Variants in CACHD1 observed in about 807,000 individuals in gnomAD.
CACHD1 encodes the protein VWFA and cache domain-containing protein 1.
CACHD1 carries 71 observed loss-of-function variants against 138.7 expected under a neutral mutation model. The observed-to-expected ratio is 0.51, with a 90% CI of 0.42 to 0.62. The LOEUF is 0.62. Ranked by LOEUF, CACHD1 falls within the 20% of genes least tolerant of loss-of-function variation. The pLI is 0.00. For missense variants in CACHD1, 1,389 were observed against 1,625.3 expected, an observed-to-expected ratio of 0.85 and a Z score of 2.50; for synonymous variants, 578 against 591.5, an observed-to-expected ratio of 0.98 and a Z score of 0.33.
intron 2 of CACHD1, among the ~76,000 whole-genome samples, chr1:64,571,212 C>G (rs1338453613): frequency 6.6e-6 from 1 of 152,196 alleles, no homozygotes; most frequent in African/African-American, 2.4e-5. Context: ...ATCAAACATT[C>G]ATAAGATGCT....
intron 2 of CACHD1, among the ~76,000 whole-genome samples, chr1:64,556,867 A>G (rs1339177181): frequency 6.6e-6 from 1 of 152,196 alleles, no homozygotes; most frequent in African/African-American, 2.4e-5. Flanking sequence ...TCATTTTTTA[A>G]TACTTTAAGA....
In CACHD1 at chr1:64,535,965, T is replaced by C. The variant is rs189741925; in HGVS notation, c.199-14629T>C. 2.9e-3 allele frequency among the ~76,000 whole-genome samples: 438 copies of C among 152,264 alleles called. 5 individuals are homozygous for C. Among genetic ancestry groups the C allele is most frequent in the African/African-American group, 0.01 (425 of 41,550 alleles). Reference sequence around the variant, plus strand: ...ATGCAACTGTTATTGAGCCCCTACATTGTGCTCCCCATCGTATTCCTCACG... The same window carrying C: ...ATGCAACTGTTATTGAGCCCCTACACTGTGCTCCCCATCGTATTCCTCACG... On this transcript the variant is annotated intron_variant, in intron 1 of 26. Transcript: ENST00000651257.
intron 2 of CACHD1, among the ~76,000 whole-genome samples, chr1:64,554,976 C>T (rs1026096679): frequency 7.2e-5 from 11 of 152,088 alleles, no homozygotes; most frequent in African/African-American, 2.4e-4. Context: ...CTTTTCATCT[C>T]ATTTTATTGT....
At chr1:64,637,504 C>T (rs998084604) in intron 7 of CACHD1, among the ~76,000 whole-genome samples, 7 of 152,182 alleles carry the variant, frequency 4.6e-5, no homozygotes, top group African/African-American at 1.7e-4. Context: ...TGAATAGAGA[C>T]CTCATTAAAT....
chr1:64,620,255 GT>G (rs1240923733), intron 4 of CACHD1, among the ~76,000 whole-genome samples: 5 of 152,110 alleles, frequency 3.3e-5, no homozygotes, highest in African/African-American at 4.8e-5. Context: ...TTTGGAAACA[GT>G]GAATATCTAT....
intron 2 of CACHD1, among the ~76,000 whole-genome samples, chr1:64,555,374 A>G (rs1646789821): frequency 6.6e-6 from 1 of 152,114 alleles, no homozygotes; most frequent in African/African-American, 2.4e-5. Context: ...ATATTCTCCT[A>G]TACTGCCTTC....
At chr1:64,646,007 C>A (rs1648889905) in intron 8 of CACHD1, among the ~76,000 whole-genome samples, 1 of 152,178 alleles carries the variant, frequency 6.6e-6, no homozygotes, top group Non-Finnish European at 1.5e-5. Flanking sequence ...TACCAATCAG[C>A]CACCCTACTG....
intron 3 of CACHD1, among the ~76,000 whole-genome samples, chr1:64,591,094 A>G (rs1647096786): frequency 6.6e-6 from 1 of 152,206 alleles, no homozygotes; most frequent in African/African-American, 2.4e-5. Flanking sequence ...TCAAATTAAT[A>G]AATTCTGGGT....
chr1:64,581,879 G>T (rs575017437), intron 2 of CACHD1, among the ~76,000 whole-genome samples: 38 of 152,248 alleles, frequency 2.5e-4, no homozygotes, highest in Non-Finnish European at 3.5e-4. Context: ...TTTCCAGCAA[G>T]GTATTTTATG....
At chr1:64,614,611 CTGTGCATCTGCCTG>C (rs997686913) in intron 4 of CACHD1, among the ~76,000 whole-genome samples, 2 of 151,938 alleles carry the variant, frequency 1.3e-5, no homozygotes, top group African/African-American at 4.8e-5. Context: ...AGATACCCGG[CTGTGCATCTGCCTG>C]TGTGTTGCTC....
chr1:64,608,707 T>C (rs1647417701), intron 4 of CACHD1, among the ~76,000 whole-genome samples: 1 of 152,236 alleles, frequency 6.6e-6, no homozygotes, highest in South Asian at 2.1e-4. Flanking sequence ...ATTATGGTTC[T>C]GGTAATGTTT....
chr1:64,681,337 T>C lies in CACHD1; in HGVS notation c.3484+2T>C, dbSNP rs1324049924. The C allele has an allele frequency of 6.2e-7, 1 of 1,611,364 alleles. No individual in the cohort carries two copies. The highest frequency in any genetic ancestry group is 8.5e-7 in the Non-Finnish European group (1 of 1,177,608). On this transcript the variant is annotated splice_donor_variant, in intron 25 of 26. Coordinates refer to ENST00000651257, the MANE Select transcript of CACHD1 (RefSeq NM_020925.4). LOFTEE classifies it high-confidence loss of function. ...ACAGCCACGAAGACAGAGGCATCAG[T>C]GAGTATTCAGCTGCCTTGCTGCAGA...
At chr1:64,550,720 C>G (rs1646752771) in intron 2 of CACHD1, 64 bp downstream of exon 2, 2 of 1,111,230 alleles carry the variant, frequency 1.8e-6, no homozygotes, top group Non-Finnish European at 2.7e-6. Flanking sequence ...GGCTTCGTCA[C>G]TCTTTCCAAG....
intron 4 of CACHD1, among the ~76,000 whole-genome samples, chr1:64,623,873 G>T (rs527692588): frequency 6.6e-6 from 1 of 152,348 alleles, no homozygotes; most frequent in African/African-American, 2.4e-5. Flanking sequence ...CGCTTAATGG[G>T]TTGGGCATCT....
chr1:64,587,680 A>T lies in CACHD1; in HGVS notation c.410+5376A>T, dbSNP rs936231835. On this transcript the variant is annotated intron_variant, in intron 3 of 26. Coordinates refer to ENST00000651257, the MANE Select transcript of CACHD1 (RefSeq NM_020925.4). ...CAAAAACAAACTCATTTTCAACGGT[A>T]TCACTTAAAACAACATAGTTTTGAG... Among the ~76,000 whole-genome samples the T allele has an allele frequency of 3.3e-5, 5 of 152,342 alleles. No homozygotes were observed. The South Asian group carries it at 1.0e-3, about 32-fold the overall frequency.
At chr1:64,603,711 G>A (rs1309139949) in intron 4 of CACHD1, among the ~76,000 whole-genome samples, 1 of 152,094 alleles carries the variant, frequency 6.6e-6, no homozygotes, top group Non-Finnish European at 1.5e-5. Flanking sequence ...TCAGCTGAAG[G>A]TGGTGTTAAT....
intron 16 of CACHD1, among the ~76,000 whole-genome samples, chr1:64,668,313 CA>C (rs1474820664): frequency 7.8e-6 from 1 of 127,518 alleles, no homozygotes; most frequent in Non-Finnish European, 1.6e-5. Context: ...GGCGACAGAG[CA>C]AGACTGCATC....
chr1:64,521,764 C>T (rs1646499585), intron 1 of CACHD1, among the ~76,000 whole-genome samples: 1 of 152,102 alleles, frequency 6.6e-6, no homozygotes, highest in Admixed American at 6.6e-5. Context: ...ACAGTTTAAT[C>T]ATTTGTGTAT....
At chr1:64,665,381 G>T (rs1187531117) in intron 15 of CACHD1, among the ~76,000 whole-genome samples, 1 of 151,802 alleles carries the variant, frequency 6.6e-6, no homozygotes, top group African/African-American at 2.4e-5. Context: ...AATTGCTTAC[G>T]CCTAGGAGTT....
Sources: allele counts gnomAD v4.1 joint callset (sites outside exome capture counted in the v4.1 genomes callset), GRCh38; gene constraint gnomAD v4.1.1; transcripts MANE v1.5; gene names NCBI Gene and HGNC (gene_info 2026-07-23, HGNC 2026-07-21).